GARNL3: variants seen among roughly 807,000 people sequenced by gnomAD.
GARNL3 encodes the protein GTPase activating Rap/RanGAP domain like 3, also known as GTPase-activating Rap/Ran-GAP domain-like protein 3.
GARNL3 carries 63 observed loss-of-function variants against 125.0 expected under a neutral mutation model. The observed-to-expected ratio is 0.50, with a 90% CI of 0.41 to 0.62. The LOEUF is 0.62. GARNL3 is among the 20% of genes least tolerant of loss of function. GARNL3 has a pLI of 0.00. For synonymous variants in GARNL3, 439 were observed against 457.5 expected, an observed-to-expected ratio of 0.96 and a Z score of 0.52; for missense variants, 994 against 1,244.0, an observed-to-expected ratio of 0.80 and a Z score of 3.02.
chr9:127,390,608 T>C (rs1193808966), intron 26 of GARNL3, 33 bp from the exon 27 acceptor site: 2 of 1,609,824 alleles, frequency 1.2e-6, no homozygotes, highest in African/African-American at 1.3e-5. Flanking sequence ...AGCCCTGTGG[T>C]AGTGACCCTC....
chr9:127,275,537 C>T lies in GARNL3; in HGVS notation c.144+10516C>T, dbSNP rs990447450. On this transcript the variant is annotated intron_variant, in intron 1 of 27. Transcript: ENST00000373387. ...CTGTCTCAGGGCAAGTTTCTGTTTT[C>T]GTAGGGCACATATCCATTCCATGGG... Among the ~76,000 whole-genome samples the T allele has an allele frequency of 2.6e-5, 4 of 152,186 alleles. No individual in the cohort carries two copies. The East Asian group carries it at 7.7e-4, about 29-fold the overall frequency.
At chr9:127,387,481 C>T (rs4836562) in intron 25 of GARNL3, 150 bp downstream of exon 25, 1 of 764,864 alleles carries the variant, frequency 1.3e-6, no homozygotes, top group Admixed American at 3.1e-5. Flanking sequence ...GGTGGCTCAC[C>T]CCTATAATCC....
At chr9:127,350,017 G>T (rs899918666) in intron 17 of GARNL3, among the ~76,000 whole-genome samples, 4 of 152,136 alleles carry the variant, frequency 2.6e-5, no homozygotes, top group Non-Finnish European at 4.4e-5. Context: ...GGGGCCCCAC[G>T]CCAGGTGCCT....
At chr9:127,342,737 CT>C (rs1159834633) in intron 14 of GARNL3, among the ~76,000 whole-genome samples, 1 of 151,522 alleles carries the variant, frequency 6.6e-6, no homozygotes, top group Non-Finnish European at 1.5e-5. Flanking sequence ...ACATAGGGTG[CT>C]TTTTTTTGGA....
At chr9:127,389,396 A>G (rs1369972862) in intron 26 of GARNL3, among the ~76,000 whole-genome samples, 1 of 152,212 alleles carries the variant, frequency 6.6e-6, no homozygotes, top group Non-Finnish European at 1.5e-5. Context: ...CTAGTCTGAT[A>G]CCATTTTTAA....
chr9:127,287,586 G>A (rs2064287900), intron 1 of GARNL3, among the ~76,000 whole-genome samples: 1 of 152,210 alleles, frequency 6.6e-6, no homozygotes, highest in South Asian at 2.1e-4. Flanking sequence ...CTCTGCTTTA[G>A]TTAGCAAGCT....
chr9:127,264,093 G>A (rs780027693), upstream of GARNL3: 21 of 811,430 alleles, frequency 2.6e-5, no homozygotes, highest in East Asian at 5.6e-5. Context: ...CTATGTTATC[G>A]TAGAGTTATT....
chr9:127,278,236 T>C (rs2064009177), intron 1 of GARNL3, among the ~76,000 whole-genome samples: 1 of 152,236 alleles, frequency 6.6e-6, no homozygotes, highest in Non-Finnish European at 1.5e-5. Flanking sequence ...TATTACGATT[T>C]AGTACACATC....
intron 22 of GARNL3, among the ~76,000 whole-genome samples, chr9:127,374,086 G>A (rs993178109): frequency 1.3e-5 from 2 of 152,116 alleles, no homozygotes; most frequent in African/African-American, 4.8e-5. Context: ...TGGATCACCT[G>A]AGGTCAGGAG....
At chr9:127,258,001 C>T (rs938948766) in intron 2 of GARNL3, among the ~76,000 whole-genome samples, 1 of 151,720 alleles carries the variant, frequency 6.6e-6, no homozygotes, top group Non-Finnish European at 1.5e-5. Context: ...TTGTTTTAAC[C>T]CCCTGTTGCA....
chr9:127,336,958 C>T (rs558464535), intron 11 of GARNL3, among the ~76,000 whole-genome samples: 2 of 152,180 alleles, frequency 1.3e-5, no homozygotes, highest in Non-Finnish European at 1.5e-5. Context: ...AAATTCTAGT[C>T]GAGTTACTCA....
chr9:127,332,277 T>C lies in GARNL3; in HGVS notation c.598T>C (p.Ser200Pro). The C allele has an allele frequency of 6.2e-7, 1 of 1,611,952 alleles. No homozygotes were observed. The highest frequency in any genetic ancestry group is 8.5e-7 in the Non-Finnish European group (1 of 1,178,044). The change falls in exon 8 of 28, where the codon TCT (serine) becomes CCT (proline). Residue 200 changes from serine to proline, a missense_variant. This residue lies in a region of GARNL3 where 139 missense variants were observed against 231.6 expected (regional missense o/e 0.60). Coordinates refer to ENST00000373387, the MANE Select transcript of GARNL3 (RefSeq NM_032293.5). ...CACCTTTTGTTATTATCCTAAGGGC[T>C]CTGTGAATTTCAAGTTTGGGGTTCT... ...DLLVLEEQEG[S>P]VNFKFGVLFA...
intron 16 of GARNL3, among the ~76,000 whole-genome samples, chr9:127,348,459 T>C (rs1021993468): frequency 2.0e-5 from 3 of 152,238 alleles, no homozygotes; most frequent in African/African-American, 7.2e-5. Context: ...GAAAACAATA[T>C]CAACCTTTTA....
intron 2 of GARNL3, among the ~76,000 whole-genome samples, chr9:127,250,719 G>C (rs868590699): frequency 6.6e-6 from 1 of 152,184 alleles, no homozygotes; most frequent in Admixed American, 6.5e-5. Flanking sequence ...GAATTGAAGG[G>C]AGAGGGATGT....
intron 1 of GARNL3, among the ~76,000 whole-genome samples, chr9:127,231,050 ATTTTTTTTT>A (rs71308298): frequency 5.6e-5 from 5 of 89,566 alleles, no homozygotes; most frequent in African/African-American, 1.6e-4. Context: ...ATATATATAT[ATTTTTTTTT>A]TTTTTTTTTT....
chr9:127,261,462 G>A (rs1404802950), upstream of GARNL3, among the ~76,000 whole-genome samples: 6 of 144,400 alleles, frequency 4.2e-5, 1 homozygote, highest in Admixed American at 4.1e-4. Flanking sequence ...CCAGGCTGGA[G>A]TGCAATGGCA....
At chr9:127,349,954 C>T (rs1054279207) in intron 17 of GARNL3, among the ~76,000 whole-genome samples, 9 of 152,212 alleles carry the variant, frequency 5.9e-5, no homozygotes, top group African/African-American at 1.2e-4. Context: ...ACAACCTATA[C>T]GTCCTCCCTC....
chr9:127,306,524 A>G (rs1367698430), intron 2 of GARNL3, among the ~76,000 whole-genome samples: 2 of 152,128 alleles, frequency 1.3e-5, no homozygotes, highest in South Asian at 2.1e-4. Context: ...TCAGGAGATC[A>G]AGACCATCCT....
chr9:127,331,053 A>G (rs947772426), intron 7 of GARNL3, among the ~76,000 whole-genome samples: 11 of 152,190 alleles, frequency 7.2e-5, no homozygotes, highest in African/African-American at 2.2e-4. Flanking sequence ...CCCTTAATTG[A>G]CCACCAAGAA....
Sources: gnomAD v4.1 joint callset for allele counts (sites outside exome capture counted in the v4.1 genomes callset) on GRCh38, gnomAD v4.1.1 for gene constraint, gnomAD v4.1.1 regional missense constraint, MANE v1.5 for transcripts, NCBI Gene and HGNC (gene_info 2026-07-23, HGNC 2026-07-21) for gene names.